The following METTL27 variants were observed in gnomAD, a reference collection of about 807,000 sequenced individuals.
METTL27 encodes the protein methyltransferase like 27, also known as methyltransferase-like protein 27.
METTL27 carries 29 observed loss-of-function variants against 24.5 expected under a neutral mutation model. That is an observed-to-expected ratio of 1.18 (90% CI 0.88 to 1.61). METTL27 has a LOEUF of 1.61. METTL27 is among the 40% of genes most tolerant of loss of function. METTL27 has a pLI of 0.00. For missense variants in METTL27, 341 were observed against 324.3 expected (o/e 1.05, Z -0.40); for synonymous variants, 138 against 146.8 (o/e 0.94, Z 0.43).
chr7:73,840,944 G>C, intron 3 of METTL27, 126 bp downstream of exon 3: 1 of 1,329,722 alleles, frequency 7.5e-7, no homozygotes, highest in East Asian at 3.0e-5. Context: ...CAGTATGCCT[G>C]GTCCTGTCTC....
chr7:73,840,254 G>T, intron 4 of METTL27, 134 bp from the exon 5 acceptor site: 2 of 1,452,420 alleles, frequency 1.4e-6, no homozygotes, highest in Non-Finnish European at 1.8e-6. Context: ...TCCCCTAGAG[G>T]ATAAGGTAAG....
In METTL27 at chr7:73,834,842, C is replaced by T. The variant is rs147956476; in HGVS notation, c.639G>A (p.Pro213=). The change falls in exon 6 of 6, where the codon CCG becomes CCA. Residue 213 remains proline, a synonymous_variant. Transcript: ENST00000297873. ...RLWTAGSWLP[P]SWRWYPASLP... is the part of the protein sequence containing the mutation. ...GAGATGCCGGATACCACCTCCAGCT[C>T]GGAGGTAGCCAGCTCCCAGCGGTCC... 360 of 1,614,108 alleles carry T rather than the reference C, an allele frequency of 2.2e-4. 1 individual carries two copies. The African/African-American group carries it at 2.5e-3, about 11-fold the overall frequency.
At chr7:73,839,874 G>C in intron 5 of METTL27, 157 bp downstream of exon 5, 1 of 630,758 alleles carries the variant, frequency 1.6e-6, no homozygotes, top group Non-Finnish European at 2.5e-6. Flanking sequence ...TGGGTCTGCT[G>C]TTGGTGGCTG....
Position 73,840,128 on chromosome 7 carries a change from TGTGTGG to T in METTL27, c.389-14_389-9del, listed in dbSNP as rs1563652239. On this transcript the variant is annotated splice_polypyrimidine_tract_variant and intron_variant, in intron 4 of 5. Transcript: ENST00000297873. Reference sequence around the variant, plus strand: ...GCACCGCGTCGAAGGTCCCTGTGTGTGTGTGGGGGGGGGTGGGGACATGGTGTGATG... The same window carrying T: ...GCACCGCGTCGAAGGTCCCTGTGTGTGGGGGGGTGGGGACATGGTGTGATG... 37 of 1,210,796 alleles carry T rather than the reference TGTGTGG, an allele frequency of 3.1e-5. 1 individual carries two copies. The highest frequency in any genetic ancestry group is 8.7e-5 in the South Asian group (6 of 68,894). The allele number at this position is 1,210,796 out of a possible 1,614,324, so 75.0% of individuals were successfully genotyped here.
At chr7:73,835,831 TTGTC>T in intron 5 of METTL27, among the ~76,000 whole-genome samples, 1 of 93,452 alleles carries the variant, frequency 1.1e-5, no homozygotes, top group African/African-American at 3.7e-5. Context: ...CGGCCGCCCA[TTGTC>T]TGAGATGTGG....
intron 4 of METTL27, 73 bp from the exon 5 acceptor site, chr7:73,840,193 GACCACCCTAGGGGTGGGACGAGGCT>G: frequency 6.6e-7 from 1 of 1,520,152 alleles, no homozygotes; most frequent in South Asian, 1.2e-5. Context: ...TGTGGCCTCA[GACCACCCTAGGGGTGGGACGAGGCT>G]ACTACCCGCA....
In METTL27 at chr7:73,834,857, C is replaced by T. The variant is rs1554634733; in HGVS notation, c.624G>A (p.Gly208=). The change falls in exon 6 of 6, where the codon GGG becomes GGA. Residue 208 remains glycine, a synonymous_variant. Transcript: ENST00000297873. ...ACCTCCAGCTCGGAGGTAGCCAGCTCCCAGCGGTCCACAGGCGGTCCACAG... is the reference window on the plus strand; with the variant it reads ...ACCTCCAGCTCGGAGGTAGCCAGCTTCCAGCGGTCCACAGGCGGTCCACAG... ...AWPVDRLWTA[G]SWLPPSWRWY... is the part of the protein sequence containing the mutation. 1 of 1,614,104 alleles carries T rather than the reference C, an allele frequency of 6.2e-7. No homozygotes were observed. The highest frequency in any genetic ancestry group is 2.2e-5 in the East Asian group (1 of 44,870).
chr7:73,836,185 G>GA, intron 5 of METTL27, among the ~76,000 whole-genome samples: 1 of 127,836 alleles, frequency 7.8e-6, no homozygotes, highest in African/African-American at 3.0e-5. Context: ...AGGTAGGGGG[G>GA]TCAGCCCCCC....
At chr7:73,835,842 G>A (rs1788160843) in intron 5 of METTL27, among the ~76,000 whole-genome samples, 6 of 131,172 alleles carry the variant, frequency 4.6e-5, no homozygotes, top group Admixed American at 4.4e-4. Flanking sequence ...TGTCTGAGAT[G>A]TGGGGAGCGC....
At position 73,842,037 on chromosome 7, in the gene METTL27, C is replaced by T. The variant is rs183012362; in HGVS notation, c.104G>A (p.Trp35Ter). 6.2e-7 allele frequency: 1 copy of T among 1,614,184 alleles called. No individual in the cohort carries two copies. Among genetic ancestry groups the T allele is most frequent in the Non-Finnish European group, 8.5e-7 (1 of 1,180,006 alleles). Reference protein sequence around the residue: ...LAQKLHFYDRWAPDYDQDVAT... With the variant: ...LAQKLHFYDR ...GTTTACCTGGTCGTAGTCCGGAGCCCAGCGGTCATAGAAATGGAGCTTTTG... is the reference window on the plus strand; with the variant it reads ...GTTTACCTGGTCGTAGTCCGGAGCCTAGCGGTCATAGAAATGGAGCTTTTG... The change falls in exon 2 of 6, where the codon TGG (tryptophan) becomes TAG (stop). Residue 35 changes from tryptophan (W) to a stop codon, truncating the protein, a stop_gained. Transcript: ENST00000297873. LOFTEE classifies it high-confidence loss of function.
At chr7:73,842,222 T>G in intron 1 of METTL27, 78 bp from the exon 2 acceptor site, 1 of 1,514,712 alleles carries the variant, frequency 6.6e-7, no homozygotes, top group Non-Finnish European at 8.8e-7. Flanking sequence ...CTCCTCCCCC[T>G]TCAGAGGAGG....
chr7:73,842,231 G>C, intron 1 of METTL27, 87 bp from the exon 2 acceptor site: 1 of 1,505,000 alleles, frequency 6.6e-7, no homozygotes, highest in Non-Finnish European at 8.8e-7. Context: ...CTTCAGAGGA[G>C]GCTGCCAGGC....
intron 5 of METTL27, among the ~76,000 whole-genome samples, chr7:73,837,474 TA>T (rs545986182): frequency 0.11 from 8,866 of 81,816 alleles, 300 homozygotes; most frequent in East Asian, 0.22. Flanking sequence ...AATGTTCCAA[TA>T]AAAAAAAAAA....
intron 5 of METTL27, among the ~76,000 whole-genome samples, chr7:73,836,269 AGGGAGGTGGGGGGG>A: frequency 1.5e-5 from 2 of 129,666 alleles, no homozygotes; most frequent in Non-Finnish European, 3.4e-5. Context: ...CCCGTCCAGG[AGGGAGGTGGGGGGG>A]TCAGCCCCCC....
chr7:73,842,270 C>T (rs1788387984), intron 1 of METTL27, 126 bp from the exon 2 acceptor site: 1 of 1,432,138 alleles, frequency 7.0e-7, no homozygotes, highest in Non-Finnish European at 9.2e-7. Flanking sequence ...CTATCCCGGC[C>T]CCTATCCCAG....
At position 73,840,499 on chromosome 7, in the gene METTL27, C is replaced by G; in HGVS notation, c.303G>C (p.Gly101=). The part of the protein sequence containing the change: ...LQLHGVDGSP[G]MLEQAQAPGL... ...CGGGGGCCTGGGCCTGTTCCAGCAT[C>G]CCTGGGCTCCCATCCACCCCATGCA... The change falls in exon 4 of 6, where the codon GGG becomes GGC. Residue 101 remains glycine (G), a synonymous_variant. Transcript: ENST00000297873. The G allele has an allele frequency of 6.2e-7, 1 of 1,611,236 alleles. No homozygotes were observed. The highest frequency in any genetic ancestry group is 8.5e-7 in the Non-Finnish European group (1 of 1,179,202).
chr7:73,839,770 C>G, intron 5 of METTL27: 1 of 439,888 alleles, frequency 2.3e-6, no homozygotes. Flanking sequence ...GACTCCCAGA[C>G]TGGGAAAAGG....
intron 5 of METTL27, 75 bp from the exon 6 acceptor site, chr7:73,835,077 G>A: frequency 6.7e-7 from 1 of 1,492,570 alleles, no homozygotes; most frequent in Non-Finnish European, 8.9e-7. Flanking sequence ...GGGGATGGTT[G>A]TCCCTTCAAG....
At chr7:73,836,160 G>A (rs1197122424) in intron 5 of METTL27, among the ~76,000 whole-genome samples, 3 of 78,970 alleles carry the variant, frequency 3.8e-5, no homozygotes, top group Admixed American at 1.2e-4. Context: ...CCGGCCAGCC[G>A]CCCATCCGGG....
Sources: allele counts gnomAD v4.1 joint callset (sites outside exome capture counted in the v4.1 genomes callset), GRCh38; gene constraint gnomAD v4.1.1; transcripts MANE v1.5; gene names NCBI Gene and HGNC (gene_info 2026-07-23, HGNC 2026-07-21).